The following KHDRBS3 variants were observed in gnomAD, a reference collection of about 807,000 sequenced individuals.
The protein encoded by KHDRBS3 is KH RNA binding domain containing, signal transduction associated 3.
Under a neutral mutation model 45.6 loss-of-function variants are expected in KHDRBS3, and 23 were observed. The observed-to-expected ratio is 0.50, with a 90% CI of 0.36 to 0.72. The LOEUF (loss-of-function observed/expected upper bound fraction) is 0.72, where lower values mean the gene tolerates loss of function less well. KHDRBS3 is among the 30% of genes least tolerant of loss of function. The pLI is 0.00. For missense variants in KHDRBS3, 352 were observed against 424.8 expected (o/e 0.83, Z 1.51); for synonymous variants, 162 against 156.5 (o/e 1.04, Z -0.26).
Position 135,557,562 on chromosome 8 carries a change from G to A in KHDRBS3, c.586G>A (p.Gly196Ser), listed in dbSNP as rs776780447. Residue 196 changes from glycine to serine, a missense_variant, in exon 5 of 9, where the codon GGT (glycine) becomes AGT (serine). Coordinates refer to ENST00000355849, the MANE Select transcript of KHDRBS3 (RefSeq NM_006558.3). The stretch of plus-strand genomic sequence containing the variant: ...AGGGAAACCCACCTTGCGTACAAGA[G>A]GTGTACCAGCCCCAGCAATAACCAG... ...VRGKPTLRTR[G>S]VPAPAITRGR... The A allele has an allele frequency of 1.2e-6, 2 of 1,613,174 alleles. No individual in the cohort carries two copies. Among genetic ancestry groups the A allele is most frequent in the East Asian group, 2.2e-5 (1 of 44,870 alleles).
chr8:135,626,553 C>G (rs1193290270), intron 7 of KHDRBS3, among the ~76,000 whole-genome samples: 1 of 151,830 alleles, frequency 6.6e-6, no homozygotes, highest in Admixed American at 6.6e-5. Context: ...CCTGTAATCC[C>G]AGCACTTTGG....
At chr8:135,509,457 T>C (rs1269815532) in intron 1 of KHDRBS3, among the ~76,000 whole-genome samples, 1 of 152,244 alleles carries the variant, frequency 6.6e-6, no homozygotes, top group Non-Finnish European at 1.5e-5. Context: ...ATGATAATTA[T>C]TCAACTTGTT....
At chr8:135,526,698 C>T (rs990983947) in intron 2 of KHDRBS3, among the ~76,000 whole-genome samples, 1 of 152,154 alleles carries the variant, frequency 6.6e-6, no homozygotes, top group Non-Finnish European at 1.5e-5. Flanking sequence ...TTGTGAAACT[C>T]CATCTGATAA....
At chr8:135,575,796 T>C (rs1827922234) in intron 5 of KHDRBS3, among the ~76,000 whole-genome samples, 1 of 152,240 alleles carries the variant, frequency 6.6e-6, no homozygotes, top group African/African-American at 2.4e-5. Context: ...CTTATTTCAG[T>C]TTATGAACCA....
At chr8:135,615,200 C>G (rs1025863509) in intron 7 of KHDRBS3, among the ~76,000 whole-genome samples, 2 of 151,600 alleles carry the variant, frequency 1.3e-5, no homozygotes, top group Admixed American at 1.3e-4. Flanking sequence ...ACAGATGGGC[C>G]TAGGAGAAGG....
chr8:135,458,943 C>T (rs1414997107), intron 1 of KHDRBS3: 10 of 456,156 alleles, frequency 2.2e-5, no homozygotes, highest in South Asian at 1.5e-4. Context: ...GGAGCAGTCT[C>T]CTACTTTTCC....
intron 5 of KHDRBS3, among the ~76,000 whole-genome samples, chr8:135,568,548 G>A (rs1312867559): frequency 6.6e-6 from 1 of 152,152 alleles, no homozygotes; most frequent in African/African-American, 2.4e-5. Flanking sequence ...ATTATAAAAG[G>A]CTGCCAGGGA....
At chr8:135,513,723 C>T (rs1370947997) in intron 1 of KHDRBS3, among the ~76,000 whole-genome samples, 1 of 152,058 alleles carries the variant, frequency 6.6e-6, no homozygotes, top group East Asian at 1.9e-4. Context: ...GGCCAGAGTA[C>T]CAATTTTTAC....
chr8:135,602,207 G>A (rs758162776), intron 6 of KHDRBS3, among the ~76,000 whole-genome samples: 5 of 152,184 alleles, frequency 3.3e-5, no homozygotes, highest in Non-Finnish European at 7.3e-5. Flanking sequence ...TGGAACCTTA[G>A]ACACTGATTT....
intron 1 of KHDRBS3, among the ~76,000 whole-genome samples, chr8:135,479,933 C>T (rs1310785131): frequency 6.6e-6 from 1 of 152,066 alleles, no homozygotes; most frequent in East Asian, 1.9e-4. Flanking sequence ...AACCAAATCT[C>T]AGAACATATA....
chr8:135,528,277 G>A (rs1825293637), intron 2 of KHDRBS3, among the ~76,000 whole-genome samples: 1 of 152,066 alleles, frequency 6.6e-6, no homozygotes, highest in African/African-American at 2.4e-5. Flanking sequence ...GTCTGTTCCT[G>A]GTGTTTCAGG....
At chr8:135,512,935 A>G (rs1173546423) in intron 1 of KHDRBS3, among the ~76,000 whole-genome samples, 1 of 152,128 alleles carries the variant, frequency 6.6e-6, no homozygotes, top group African/African-American at 2.4e-5. Context: ...GCTGGAGGCT[A>G]GGCGCAGTGG....
intron 7 of KHDRBS3, among the ~76,000 whole-genome samples, chr8:135,640,554 G>A (rs758210891): frequency 6.6e-6 from 1 of 152,176 alleles, no homozygotes; most frequent in Non-Finnish European, 1.5e-5. Flanking sequence ...GTCTCCTGAT[G>A]TTAGGGGCTA....
intron 7 of KHDRBS3, among the ~76,000 whole-genome samples, chr8:135,634,305 C>T (rs4909494): frequency 0.57 from 86,844 of 151,994 alleles, 25,363 homozygotes; most frequent in East Asian, 0.96. Flanking sequence ...TGATGGATGT[C>T]CTCCCGAGCA....
intron 6 of KHDRBS3, among the ~76,000 whole-genome samples, chr8:135,600,917 G>T (rs998921815): frequency 6.6e-6 from 1 of 152,108 alleles, no homozygotes; most frequent in Non-Finnish European, 1.5e-5. Context: ...CCTAGGCTGG[G>T]TCTCAAACTC....
In KHDRBS3 at chr8:135,591,471, C is replaced by T. The variant is rs901521343; in HGVS notation, c.807+9398C>T. 5.3e-5 allele frequency among the ~76,000 whole-genome samples: 8 copies of T among 152,238 alleles called. No homozygotes were observed. In the East Asian group the frequency reaches 5.8e-4, roughly 11 times the overall value. ...GCAGAAATATAAACCTCCTGTTGTA[C>T]GAGCAGGCCTCCCTTGTCTGTGTGT... On this transcript the variant is annotated intron_variant, in intron 6 of 8. Transcript: ENST00000355849.
chr8:135,522,926 C>G (rs1021439119), intron 2 of KHDRBS3, among the ~76,000 whole-genome samples: 4 of 152,146 alleles, frequency 2.6e-5, no homozygotes, highest in Non-Finnish European at 5.9e-5. Flanking sequence ...TTTCCCTCCA[C>G]TGATTGTTTT....
At chr8:135,522,613 G>A (rs1226377166) in intron 2 of KHDRBS3, among the ~76,000 whole-genome samples, 1 of 151,988 alleles carries the variant, frequency 6.6e-6, no homozygotes, top group East Asian at 1.9e-4. Context: ...TGGTATATTG[G>A]TATCTTCCTG....
At chr8:135,624,713 G>A (rs553779994) in intron 7 of KHDRBS3, among the ~76,000 whole-genome samples, 2 of 152,206 alleles carry the variant, frequency 1.3e-5, no homozygotes, top group African/African-American at 2.4e-5. Context: ...CCAACACAAT[G>A]TCAAACACAG....
Sources: allele counts gnomAD v4.1 joint callset (sites outside exome capture counted in the v4.1 genomes callset), GRCh38; gene constraint gnomAD v4.1.1; transcripts MANE v1.5; gene names NCBI Gene and HGNC (gene_info 2026-07-23, HGNC 2026-07-21).